The following UBE2G1 variants were observed in gnomAD, a reference collection of about 807,000 sequenced individuals.
The protein encoded by UBE2G1 is ubiquitin-conjugating enzyme E2 G1.
Under a neutral mutation model 22.7 loss-of-function variants are expected in UBE2G1, and 5 were observed. That is an observed-to-expected ratio of 0.22 (90% CI 0.12 to 0.46). The LOEUF (loss-of-function observed/expected upper bound fraction) is 0.46. UBE2G1 is among the 20% of genes least tolerant of loss of function. The probability of loss-of-function intolerance (pLI) is 0.99; values close to 1 mark genes in which losing one functional copy is unlikely to be tolerated. For synonymous variants in UBE2G1, 74 were observed against 67.5 expected, an observed-to-expected ratio of 1.10 and a Z score of -0.47; for missense variants, 88 against 203.9, an observed-to-expected ratio of 0.43 and a Z score of 3.46.
chr17:4,278,013 C>T (rs781174385), intron 5 of UBE2G1, among the ~76,000 whole-genome samples: 16 of 152,130 alleles, frequency 1.1e-4, no homozygotes, highest in Admixed American at 3.9e-4. Context: ...GATTCTCCTG[C>T]GTCAGCCTCC....
intron 1 of UBE2G1, among the ~76,000 whole-genome samples, chr17:4,362,042 C>T (rs1043656453): frequency 2.7e-5 from 4 of 150,406 alleles, no homozygotes; most frequent in Non-Finnish European, 4.4e-5. Flanking sequence ...GGTGAAAAGA[C>T]TATGTTTTTT....
At position 4,270,649 on chromosome 17, in the gene UBE2G1, A is replaced by C. The variant is rs1344741990; in HGVS notation, c.*1905T>G. ...CAACTATTTTTACAGTCTTTGGAAA[A>C]GGAAAAAAAAAACCAAGTCACAAAG... On this transcript the variant is annotated 3_prime_UTR_variant, in exon 6 of 6. Coordinates refer to ENST00000396981, the MANE Select transcript of UBE2G1 (RefSeq NM_003342.5). The C allele has an allele frequency of 1.1e-5, 1 of 95,048 alleles. No individual in the cohort carries two copies. Among genetic ancestry groups the C allele is most frequent in the East Asian group, 5.4e-4 (1 of 1,852 alleles). The allele number at this position is 95,048 out of a possible 1,614,324, so 5.9% of individuals were successfully genotyped here. A position where few individuals can be genotyped will look rare whatever the true frequency, so the allele number is the denominator to read the frequency against.
intron 2 of UBE2G1, chr17:4,301,259 A>G (rs1258353170): frequency 5.2e-6 from 2 of 381,330 alleles, no homozygotes; most frequent in Non-Finnish European, 1.0e-5. Context: ...TCATGTGATC[A>G]CTGACTTGGC....
chr17:4,340,666 A>C (rs1969700832), intron 1 of UBE2G1, among the ~76,000 whole-genome samples: 2 of 152,224 alleles, frequency 1.3e-5, no homozygotes, highest in South Asian at 4.1e-4. Flanking sequence ...AGGCCTCCCC[A>C]GCCATGCAGA....
intron 1 of UBE2G1, among the ~76,000 whole-genome samples, chr17:4,363,453 G>A (rs962428829): frequency 2.0e-5 from 3 of 151,868 alleles, no homozygotes; most frequent in South Asian, 4.2e-4. Flanking sequence ...AAGAGCTTTG[G>A]GACGTTTTAT....
chr17:4,312,296 C>G (rs1969319085), intron 1 of UBE2G1, among the ~76,000 whole-genome samples: 1 of 151,916 alleles, frequency 6.6e-6, no homozygotes, highest in African/African-American at 2.4e-5. Context: ...CAGAATATGG[C>G]TGATCACTGA....
chr17:4,341,750 A>C (rs950336645), intron 1 of UBE2G1, among the ~76,000 whole-genome samples: 1 of 152,166 alleles, frequency 6.6e-6, no homozygotes, highest in African/African-American at 2.4e-5. Context: ...GTCCAGTGCA[A>C]CTGCCTTTCT....
chr17:4,292,247 A>G (rs1329310404), intron 3 of UBE2G1, among the ~76,000 whole-genome samples: 2 of 149,254 alleles, frequency 1.3e-5, no homozygotes, highest in Admixed American at 6.7e-5. Flanking sequence ...AATTGCTTGA[A>G]CCTGGGAGGC....
At chr17:4,309,697 C>T (rs1284292685) in intron 1 of UBE2G1, among the ~76,000 whole-genome samples, 4 of 152,176 alleles carry the variant, frequency 2.6e-5, no homozygotes, top group Non-Finnish European at 5.9e-5. Context: ...TTACATTACT[C>T]GGACCATTTT....
intron 2 of UBE2G1, 146 bp from the exon 3 acceptor site, chr17:4,296,960 T>G (rs893957807): frequency 6.1e-6 from 4 of 660,314 alleles, no homozygotes; most frequent in African/African-American, 1.8e-5. Context: ...GGCAGTTACT[T>G]TCTCAAATAA....
intron 2 of UBE2G1, among the ~76,000 whole-genome samples, chr17:4,303,432 T>C (rs899921376): frequency 2.0e-5 from 3 of 152,068 alleles, no homozygotes; most frequent in Admixed American, 1.3e-4. Context: ...ACATGGAACA[T>C]TTGAAACATT....
intron 1 of UBE2G1, among the ~76,000 whole-genome samples, chr17:4,310,016 A>C (rs1411064551): frequency 6.6e-5 from 10 of 152,216 alleles, no homozygotes; most frequent in African/African-American, 2.2e-4. Context: ...AGCAATGTTG[A>C]AAAATGTCCA....
chr17:4,326,205 A>G (rs957489701), intron 1 of UBE2G1, among the ~76,000 whole-genome samples: 2 of 152,232 alleles, frequency 1.3e-5, no homozygotes, highest in Non-Finnish European at 2.9e-5. Context: ...ATAAAGGATT[A>G]ATATCCAGAA....
chr17:4,311,942 A>C (rs1008092995), intron 1 of UBE2G1, among the ~76,000 whole-genome samples: 1 of 152,190 alleles, frequency 6.6e-6, no homozygotes, highest in Non-Finnish European at 1.5e-5. Flanking sequence ...GGGACAAAAA[A>C]TACATTGCTT....
chr17:4,357,219 C>A (rs1387871992), intron 1 of UBE2G1, among the ~76,000 whole-genome samples: 2 of 152,128 alleles, frequency 1.3e-5, no homozygotes, highest in Non-Finnish European at 2.9e-5. Context: ...TCCTGCCTAT[C>A]ACTTAGCAGT....
chr17:4,342,318 C>T (rs1171905648), intron 1 of UBE2G1, among the ~76,000 whole-genome samples: 2 of 152,242 alleles, frequency 1.3e-5, no homozygotes, highest in African/African-American at 2.4e-5. Flanking sequence ...CTCTCACACA[C>T]TCTACCCTTC....
intron 2 of UBE2G1, among the ~76,000 whole-genome samples, chr17:4,297,208 A>G (rs545238363): frequency 3.9e-5 from 6 of 152,334 alleles, no homozygotes; most frequent in Non-Finnish European, 8.8e-5. Flanking sequence ...CCTCAAACAC[A>G]TCAAACCCTT....
At chr17:4,362,098 A>G (rs1969975616) in intron 1 of UBE2G1, among the ~76,000 whole-genome samples, 1 of 152,210 alleles carries the variant, frequency 6.6e-6, no homozygotes, top group Non-Finnish European at 1.5e-5. Context: ...CCTTTTCAAA[A>G]GATAAAATGT....
intron 1 of UBE2G1, among the ~76,000 whole-genome samples, chr17:4,309,320 G>T (rs1325421925): frequency 2.6e-5 from 4 of 152,016 alleles, no homozygotes; most frequent in African/African-American, 9.7e-5. Context: ...AAATGTGAGG[G>T]GAGATTTTTA....
Sources: allele counts gnomAD v4.1 joint callset (sites outside exome capture counted in the v4.1 genomes callset), GRCh38; gene constraint gnomAD v4.1.1; transcripts MANE v1.5; gene names NCBI Gene and HGNC (gene_info 2026-07-23, HGNC 2026-07-21).